The following MPND variants were observed in gnomAD, a reference collection of about 807,000 sequenced individuals.
MPND encodes MPN domain-containing protein.
A neutral mutation model predicts 59.2 loss-of-function variants in MPND; 56 were observed. The ratio of observed to expected loss-of-function variants is 0.95; its 90% CI spans 0.76 to 1.18. The LOEUF (loss-of-function observed/expected upper bound fraction) is 1.18. Ranked by LOEUF, MPND falls within the 50% of genes most tolerant of loss-of-function variation. The pLI is 0.00. For missense variants in MPND, 671 were observed against 676.0 expected (o/e 0.99, Z 0.08); for synonymous variants, 323 against 291.9 (o/e 1.11, Z -1.09).
chr19:4,348,908 GC>G (rs1972249832), intron 3 of MPND: 1 of 194,212 alleles, frequency 5.1e-6, no homozygotes, highest in African/African-American at 2.3e-5. Flanking sequence ...ACCTGCCTCA[GC>G]CTCCCAAAGT....
chr19:4,357,137 T>G, intron 8 of MPND, 116 bp from the exon 9 acceptor site: 1 of 1,183,760 alleles, frequency 8.4e-7, no homozygotes, highest in Non-Finnish European at 1.1e-6. Flanking sequence ...GTCTTGGTCA[T>G]CACTGTGTCC....
Position 4,353,042 on chromosome 19 carries a change from GGGAGGGGAGGCAGGACAGGGGC to G in MPND, c.664+17_664+38del. 1 of 1,329,634 alleles carries G rather than the reference GGGAGGGGAGGCAGGACAGGGGC, an allele frequency of 7.5e-7. No homozygotes were observed. The highest frequency in any genetic ancestry group is 9.7e-7 in the Non-Finnish European group (1 of 1,029,608). The allele number at this position is 1,329,634 out of a possible 1,614,324, so 82.4% of individuals were successfully genotyped here. Reference sequence around the variant, plus strand: ...CCTGCCCACCCGGGTGAGAGGCGTGGGGAGGGGAGGCAGGACAGGGGCGGATACAGCTCGGGTTGGGGAGGAG... The same window carrying G: ...CCTGCCCACCCGGGTGAGAGGCGTGGGGATACAGCTCGGGTTGGGGAGGAG... On this transcript the variant is annotated intron_variant, in intron 4 of 12. Coordinates refer to ENST00000599840, the MANE Select transcript of MPND (RefSeq NM_001300862.2).
At chr19:4,352,374 G>A (rs775426658) in intron 3 of MPND, among the ~76,000 whole-genome samples, 42 of 152,136 alleles carry the variant, frequency 2.8e-4, no homozygotes, top group Non-Finnish European at 5.0e-4. Context: ...CAAAGGTTGC[G>A]CAGGGCTTGT....
Position 4,358,181 on chromosome 19 carries a change from G to A in MPND, c.1326+9G>A, listed in dbSNP as rs1158310278. ...ACATCCTTCACGAGATGGTGAGCTCGCTGCGGGGCGGGCAGGCAGGGGCTG... is the reference window on the plus strand; with the variant it reads ...ACATCCTTCACGAGATGGTGAGCTCACTGCGGGGCGGGCAGGCAGGGGCTG... On this transcript the variant is annotated intron_variant, in intron 11 of 12. Transcript: ENST00000599840. 9.0e-6 allele frequency: 14 copies of A among 1,550,234 alleles called. No homozygotes were observed. The highest frequency in any genetic ancestry group is 2.4e-5 in the South Asian group (2 of 84,050).
intron 4 of MPND, among the ~76,000 whole-genome samples, chr19:4,353,545 G>A (rs1044394946): frequency 6.8e-6 from 1 of 147,026 alleles, no homozygotes; most frequent in African/African-American, 2.5e-5. Flanking sequence ...TGGGATTACA[G>A]GCGTGAGCCA....
chr19:4,347,966 A>T (rs1024944838), intron 3 of MPND: 1 of 154,334 alleles, frequency 6.5e-6, no homozygotes, highest in African/African-American at 2.5e-5. Context: ...ATCTCTGCTC[A>T]TTGCAACCTC....
At chr19:4,351,474 C>T (rs1972314282) in intron 3 of MPND, among the ~76,000 whole-genome samples, 1 of 152,188 alleles carries the variant, frequency 6.6e-6, no homozygotes, top group African/African-American at 2.4e-5. Flanking sequence ...AACGGAGCAT[C>T]TAGGTGTATG....
At chr19:4,355,258 G>A in intron 8 of MPND, 85 bp downstream of exon 8, 1 of 1,418,118 alleles carries the variant, frequency 7.1e-7, no homozygotes, top group South Asian at 1.2e-5. Context: ...GGCTGGCAGT[G>A]TCATCACCCA....
intron 12 of MPND, among the ~76,000 whole-genome samples, chr19:4,359,678 G>T (rs1972534915): frequency 6.6e-6 from 1 of 152,180 alleles, no homozygotes; most frequent in Admixed American, 6.5e-5. Context: ...GTGGGGGCAG[G>T]ATCGGGAGTG....
intron 10 of MPND, 174 bp from the exon 11 acceptor site, chr19:4,357,909 C>G (rs1481059148): frequency 1.6e-6 from 1 of 623,602 alleles, no homozygotes; most frequent in Admixed American, 2.7e-5. Context: ...GGGCCTCTCC[C>G]ACAGTAAGGA....
intron 6 of MPND, 197 bp downstream of exon 6, chr19:4,354,617 A>C: frequency 3.3e-6 from 2 of 606,292 alleles, no homozygotes; most frequent in South Asian, 4.0e-5. Context: ...CTATAATCCC[A>C]GCACTTTGGG....
intron 12 of MPND, 35 bp downstream of exon 12, chr19:4,359,290 G>A: frequency 1.3e-6 from 2 of 1,562,020 alleles, no homozygotes; most frequent in Non-Finnish European, 1.8e-6. Flanking sequence ...TCCTAACGGG[G>A]CCCCAGGAGA....
At chr19:4,355,219 G>A (rs1281267178) in intron 8 of MPND, 46 bp downstream of exon 8, 2 of 1,596,708 alleles carry the variant, frequency 1.3e-6, no homozygotes, top group Non-Finnish European at 1.7e-6. Context: ...GGTTGGGAAG[G>A]GACATAGCTG....
chr19:4,353,970 C>A, intron 4 of MPND, 75 bp from the exon 5 acceptor site: 1 of 1,301,572 alleles, frequency 7.7e-7, no homozygotes, highest in Non-Finnish European at 1.1e-6. Flanking sequence ...AGGCATGCAC[C>A]ACCACACCCA....
At chr19:4,356,285 G>T (rs4806981) in intron 8 of MPND, among the ~76,000 whole-genome samples, 2 of 151,776 alleles carry the variant, frequency 1.3e-5, no homozygotes, top group African/African-American at 4.8e-5. Context: ...GGCACCGGGG[G>T]TTCACACCTG....
intron 3 of MPND, 53 bp from the exon 4 acceptor site, chr19:4,352,844 G>GA: frequency 7.6e-7 from 1 of 1,312,994 alleles, no homozygotes; most frequent in South Asian, 2.9e-5. Context: ...CAGGGAGCGG[G>GA]GGGGCACCCA....
At position 4,345,891 on chromosome 19, in the gene MPND, T is replaced by C; in HGVS notation, c.441T>C (p.Ser147=). The C allele has an allele frequency of 6.2e-7, 1 of 1,613,992 alleles. No individual in the cohort carries two copies. The highest frequency in any genetic ancestry group is 8.5e-7 in the Non-Finnish European group (1 of 1,180,042). The change falls in exon 3 of 13, where the codon TCT becomes TCC. Residue 147 remains serine (S), a synonymous_variant. Coordinates refer to ENST00000599840, the MANE Select transcript of MPND (RefSeq NM_001300862.2). ...PAKKSGCGWA[S]VKYKGQKLDK... is the part of the protein sequence containing the mutation. Reference sequence around the variant, plus strand: ...AGAAGTCGGGCTGTGGCTGGGCCTCTGTCAAGTACAAAGGCCAGAAACTGG... The same window carrying C: ...AGAAGTCGGGCTGTGGCTGGGCCTCCGTCAAGTACAAAGGCCAGAAACTGG...
At position 4,354,298 on chromosome 19, in the gene MPND, C is replaced by T. The variant is rs372264614; in HGVS notation, c.750-26C>T. 472 of 1,545,480 alleles carry T rather than the reference C, an allele frequency of 3.1e-4. 4 individuals are homozygous for T. The South Asian group carries it at 5.2e-3, about 17-fold the overall frequency. On this transcript the variant is annotated intron_variant, in intron 5 of 12. Transcript: ENST00000599840. ...GGGAAGAGCCTGGGGATTCCTGAGA[C>T]TGTGCGACCCTCCTGGCCCCTACAG...
intron 8 of MPND, chr19:4,356,800 G>A: frequency 6.5e-6 from 1 of 153,228 alleles, no homozygotes; most frequent in Non-Finnish European, 1.5e-5. Flanking sequence ...CACCACACCT[G>A]GCTAATTTTT....
Sources: allele counts gnomAD v4.1 joint callset (sites outside exome capture counted in the v4.1 genomes callset), GRCh38; gene constraint gnomAD v4.1.1; transcripts MANE v1.5; gene names NCBI Gene and HGNC (gene_info 2026-07-23, HGNC 2026-07-21).